Variants in BHMT2 observed in about 807,000 individuals in gnomAD.
The protein encoded by BHMT2 is betaine--homocysteine S-methyltransferase 2, also known as S-methylmethionine--homocysteine S-methyltransferase BHMT2.
In BHMT2, 28 loss-of-function variants were observed where a neutral mutation model predicts 39.0. The ratio of observed to expected loss-of-function variants is 0.72; its 90% CI spans 0.53 to 0.98. BHMT2 has a LOEUF of 0.98. Among genes scored for constraint, BHMT2 ranks in the 50% least tolerant of loss-of-function variants. The probability of loss-of-function intolerance (pLI) is 0.00; values close to 1 mark genes in which losing one functional copy is unlikely to be tolerated. For synonymous variants in BHMT2, 145 were observed against 160.6 expected (o/e 0.90, Z 0.74); for missense variants, 410 against 455.6 (o/e 0.90, Z 0.91).
rs1418404330 is a variant in BHMT2 at position 79,089,471 on chromosome 5, T to C, written c.*897T>C. On this transcript the variant is annotated 3_prime_UTR_variant, in exon 8 of 8. Coordinates refer to ENST00000255192, the MANE Select transcript of BHMT2 (RefSeq NM_017614.5). The stretch of plus-strand genomic sequence containing the variant: ...ATCTCAAAAAAAAAAAAAAAAGATA[T>C]TAGGTCCTAGAATTTTTAAAATGTG... 1 of 150,982 alleles carries C rather than the reference T, an allele frequency of 6.6e-6. No individual in the cohort carries two copies. The highest frequency in any genetic ancestry group is 6.6e-5 in the Admixed American group (1 of 15,172). The allele number at this position is 150,982 out of a possible 1,614,324, so 9.4% of individuals were successfully genotyped here. A position where few individuals can be genotyped will look rare whatever the true frequency, so the allele number is the denominator to read the frequency against.
At chr5:79,073,729 G>A (rs1017531410) in intron 1 of BHMT2, among the ~76,000 whole-genome samples, 1 of 152,134 alleles carries the variant, frequency 6.6e-6, no homozygotes, top group Non-Finnish European at 1.5e-5. Context: ...CCAAAATAGT[G>A]TTTATGTTTA....
chr5:79,071,398 T>C (rs939821360), intron 1 of BHMT2, among the ~76,000 whole-genome samples: 8 of 152,326 alleles, frequency 5.3e-5, no homozygotes, highest in African/African-American at 1.9e-4. Flanking sequence ...TAGAGATGTC[T>C]TGAAGCCAGA....
chr5:79,084,740 C>G (rs1755862834), intron 7 of BHMT2, among the ~76,000 whole-genome samples: 1 of 152,228 alleles, frequency 6.6e-6, no homozygotes, highest in African/African-American at 2.4e-5. Context: ...TCTTGTACCT[C>G]TATTTCTTTT....
chr5:79,074,966 G>A (rs1375073261), intron 1 of BHMT2, among the ~76,000 whole-genome samples: 1 of 152,146 alleles, frequency 6.6e-6, no homozygotes, highest in Non-Finnish European at 1.5e-5. Flanking sequence ...TTTCCCCCAT[G>A]CTGAGGAGGA....
Position 79,083,176 on chromosome 5 carries a change from TTA to T in BHMT2, c.599-14_599-13del. 1 of 1,613,404 alleles carries T rather than the reference TTA, an allele frequency of 6.2e-7. No homozygotes were observed. On this transcript the variant is annotated splice_polypyrimidine_tract_variant and intron_variant, in intron 5 of 7. Coordinates refer to ENST00000255192, the MANE Select transcript of BHMT2 (RefSeq NM_017614.5). ...ACAAATAAATAATAAAATGTAAGTGTTATTTCTTTGCACAGGGGCTTCCATCG... is the reference window on the plus strand; with the variant it reads ...ACAAATAAATAATAAAATGTAAGTGTTTTCTTTGCACAGGGGCTTCCATCG...
At chr5:79,076,288 C>G (rs1755669256) in intron 1 of BHMT2, among the ~76,000 whole-genome samples, 1 of 152,118 alleles carries the variant, frequency 6.6e-6, no homozygotes, top group South Asian at 2.1e-4. Context: ...TCTGTGTGTT[C>G]TTCTGCCAGT....
At chr5:79,077,770 A>G (rs1755699951) in intron 2 of BHMT2, 158 bp downstream of exon 2, 1 of 837,532 alleles carries the variant, frequency 1.2e-6, no homozygotes, top group South Asian at 2.0e-5. Context: ...AGGCGGAAGT[A>G]TATGGAAGAA....
chr5:79,088,420 A>T, intron 7 of BHMT2, 73 bp from the exon 8 acceptor site: 1 of 1,048,416 alleles, frequency 9.5e-7, no homozygotes, highest in South Asian at 1.4e-5. Flanking sequence ...ATACATACAT[A>T]TATACATATA....
At chr5:79,086,112 T>A (rs1378222770) in intron 7 of BHMT2, among the ~76,000 whole-genome samples, 1 of 152,174 alleles carries the variant, frequency 6.6e-6, no homozygotes, top group Non-Finnish European at 1.5e-5. Context: ...CCTCAGACAG[T>A]GGCTTTTTCA....
chr5:79,078,356 CTTTT>C (rs1755719213), intron 2 of BHMT2, among the ~76,000 whole-genome samples: 1 of 151,776 alleles, frequency 6.6e-6, no homozygotes, highest in South Asian at 2.1e-4. Flanking sequence ...TCTTCTAACT[CTTTT>C]TTTGTGTGTT....
intron 1 of BHMT2, among the ~76,000 whole-genome samples, chr5:79,071,822 T>TAAAAAAAAA (rs60114073): frequency 7.7e-5 from 8 of 103,550 alleles, no homozygotes; most frequent in African/African-American, 2.1e-4. Context: ...AACTTAAAAG[T>TAAAAAAAAA]AAAAAAAAAA....
intron 4 of BHMT2, among the ~76,000 whole-genome samples, chr5:79,082,042 C>G (rs1755798675): frequency 6.6e-6 from 1 of 152,214 alleles, no homozygotes; most frequent in Non-Finnish European, 1.5e-5. Flanking sequence ...TGACACCACT[C>G]TGTTTGTTTA....
intron 4 of BHMT2, 60 bp downstream of exon 4, chr5:79,080,938 T>C: frequency 1.4e-6 from 2 of 1,436,342 alleles, no homozygotes; most frequent in Non-Finnish European, 1.9e-6. Context: ...CTGCAGAGTC[T>C]TCACATTTCA....
chr5:79,088,290 G>T (rs1755944534), intron 7 of BHMT2, among the ~76,000 whole-genome samples: 1 of 151,758 alleles, frequency 6.6e-6, no homozygotes, highest in Non-Finnish European at 1.5e-5. Context: ...AATGGATATG[G>T]ACACAGTTTT....
At chr5:79,075,170 T>G (rs1234991592) in intron 1 of BHMT2, among the ~76,000 whole-genome samples, 1 of 152,196 alleles carries the variant, frequency 6.6e-6, no homozygotes, top group Non-Finnish European at 1.5e-5. Context: ...ACAGGTGATG[T>G]GCCAGATTTG....
intron 3 of BHMT2, among the ~76,000 whole-genome samples, 159 bp downstream of exon 3, chr5:79,079,619 G>T (rs1467820559): frequency 1.3e-5 from 2 of 152,110 alleles, no homozygotes; most frequent in African/African-American, 4.8e-5. Flanking sequence ...AAATAGGTCG[G>T]GCACAGTGGC....
Position 79,083,773 on chromosome 5 carries a change from G to C in BHMT2, c.927G>C (p.Arg309Ser). 1.2e-6 allele frequency: 2 copies of C among 1,614,104 alleles called. No homozygotes were observed. Among genetic ancestry groups the C allele is most frequent in the Non-Finnish European group, 1.7e-6 (2 of 1,180,034 alleles). Residue 309 changes from arginine to serine, a missense_variant, in exon 7 of 8, where the codon AGG becomes AGC. Physicochemically the swap from Arg to Ser is moderately radical, Grantham distance 110. Coordinates refer to ENST00000255192, the MANE Select transcript of BHMT2 (RefSeq NM_017614.5). ...TTGCAGAGGAGCTGGCCCCAGAAAG[G>C]GGCTTTTTGCCACCAGCTTCAGAAA... The part of the protein sequence containing the change: ...RAIAEELAPE[R>S]GFLPPASEKH...
Position 79,081,028 on chromosome 5 carries a change from G to A in BHMT2, c.450+150G>A, listed in dbSNP as rs867813520. Reference sequence around the variant, plus strand: ...TTTATTTAAATGCATGGTAGTCAAGGCCAACATTCCCTCATTGGTATGCTA... The same window carrying A: ...TTTATTTAAATGCATGGTAGTCAAGACCAACATTCCCTCATTGGTATGCTA... On this transcript the variant is annotated intron_variant, in intron 4 of 7. Coordinates refer to ENST00000255192, the MANE Select transcript of BHMT2 (RefSeq NM_017614.5). The A allele has an allele frequency of 5.4e-5, 37 of 689,812 alleles. No homozygotes were observed. The African/African-American group carries it at 5.7e-4, about 11-fold the overall frequency. The allele number at this position is 689,812 out of a possible 1,614,324, so 42.7% of individuals were successfully genotyped here. A position where few individuals can be genotyped will look rare whatever the true frequency, so the allele number is the denominator to read the frequency against.
At chr5:79,079,289 C>A in intron 2 of BHMT2, 80 bp from the exon 3 acceptor site, 1 of 1,054,790 alleles carries the variant, frequency 9.5e-7, no homozygotes, top group Non-Finnish European at 1.4e-6. Flanking sequence ...CAGTGAGCTA[C>A]TGCTGCTTTT....
Sources: allele counts gnomAD v4.1 joint callset (sites outside exome capture counted in the v4.1 genomes callset), GRCh38; gene constraint gnomAD v4.1.1; transcripts MANE v1.5; gene names NCBI Gene and HGNC (gene_info 2026-07-23, HGNC 2026-07-21).